The following AGPAT4 variants were observed in gnomAD, a reference collection of about 807,000 sequenced individuals.
The protein encoded by AGPAT4 is 1-acylglycerol-3-phosphate O-acyltransferase 4.
Under a neutral mutation model 48.0 loss-of-function variants are expected in AGPAT4, and 15 were observed. The observed-to-expected ratio is 0.31, with a 90% CI of 0.21 to 0.48. The LOEUF (loss-of-function observed/expected upper bound fraction) is 0.48, where lower values mean the gene tolerates loss of function less well. Ranked by LOEUF, AGPAT4 falls within the 20% of genes least tolerant of loss-of-function variation. AGPAT4 has a pLI of 0.99. For synonymous variants in AGPAT4, 178 were observed against 198.7 expected, an observed-to-expected ratio of 0.90 and a Z score of 0.88; for missense variants, 314 against 482.5, an observed-to-expected ratio of 0.65 and a Z score of 3.27.
rs1319714105 is a variant in AGPAT4 at position 161,238,017 on chromosome 6, C to T, written c.-89-5715G>A. ...GAGAAATTCTGAAATGTGCAGGCAA[C>T]GCGAGACCACCTGGAAGCCAAGCAC... On this transcript the variant is annotated intron_variant, in intron 1 of 8. Coordinates refer to ENST00000320285, the MANE Select transcript of AGPAT4 (RefSeq NM_020133.3). This position sits in a 1 kb window ranked among gnomAD's most constrained non-coding sequence, Gnocchi z 5.2. Among the ~76,000 whole-genome samples the T allele has an allele frequency of 1.4e-5, 2 of 144,652 alleles. No individual in the cohort carries two copies. Among genetic ancestry groups the T allele is most frequent in the African/African-American group, 2.6e-5 (1 of 38,542 alleles). 94.9% of individuals were successfully genotyped at this position (144,652 alleles called of 152,430 possible). A position where few individuals can be genotyped will look rare whatever the true frequency, so the allele number is the denominator to read the frequency against.
At chr6:161,186,722 C>T (rs796227186) in intron 2 of AGPAT4, among the ~76,000 whole-genome samples, 11 of 152,280 alleles carry the variant, frequency 7.2e-5, no homozygotes, top group African/African-American at 2.4e-4. Flanking sequence ...CTCCTTCCCC[C>T]ACTTCTCCCC....
rs147036874 is a variant in AGPAT4 at position 161,217,130 on chromosome 6, G to A, written c.178+14906C>T. ...TTCAGCAATGAAAGATGAGCAGACA[G>A]TGGAGAAGGCAAGCCAGGGGAGGGG... On this transcript the variant is annotated intron_variant, in intron 2 of 8. Coordinates refer to ENST00000320285, the MANE Select transcript of AGPAT4 (RefSeq NM_020133.3). The surrounding 1 kb of genome is among the most constrained non-coding windows in gnomAD (Gnocchi z 4.9). Among the ~76,000 whole-genome samples, 111 of 152,372 alleles carry A rather than the reference G, an allele frequency of 7.3e-4. No individual in the cohort carries two copies. The highest frequency in any genetic ancestry group is 2.4e-3 in the African/African-American group (100 of 41,590).
chr6:161,261,535 C>T lies in AGPAT4; in HGVS notation c.-90+12403G>A, dbSNP rs948451254. Among the ~76,000 whole-genome samples the T allele has an allele frequency of 4.6e-5, 7 of 152,332 alleles. No homozygotes were observed. Among genetic ancestry groups the T allele is most frequent in the Admixed American group, 1.3e-4 (2 of 15,302 alleles). ...GGAAACGCCCGGCTCACGGCTGACT[C>T]ATGATGGGACCTGTCAGAGGGACGT... On this transcript the variant is annotated intron_variant, in intron 1 of 8. Transcript: ENST00000320285. The surrounding 1 kb of genome is among the most constrained non-coding windows in gnomAD (Gnocchi z 5.3).
chr6:161,149,717 T>A lies in AGPAT4; in HGVS notation c.665-428A>T, dbSNP rs1779533159. ...CCACCACGCCCAGCTAATTTTTGTA[T>A]TTTTAGTAGAGTCAGGGATTCACCA... On this transcript the variant is annotated intron_variant, in intron 5 of 8. Coordinates refer to ENST00000320285, the MANE Select transcript of AGPAT4 (RefSeq NM_020133.3). This position sits in a 1 kb window ranked among gnomAD's most constrained non-coding sequence, Gnocchi z 6.5. 6.6e-6 allele frequency among the ~76,000 whole-genome samples: 1 copy of A among 152,090 alleles called. No homozygotes were observed. Among genetic ancestry groups the A allele is most frequent in the Non-Finnish European group, 1.5e-5 (1 of 67,996 alleles).
Position 161,139,167 on chromosome 6 carries a change from C to T in AGPAT4, c.1042+255G>A, listed in dbSNP as rs60820932. Among the ~76,000 whole-genome samples the T allele has an allele frequency of 0.016, 2,418 of 152,254 alleles. 52 individuals are homozygous for T. The highest frequency in any genetic ancestry group is 0.04 in the African/African-American group (1,659 of 41,546). ...GGGGAGTGAAGTGGCAGCTGCATCA[C>T]CACCCAACAGGGAACGTGTGGAATC... On this transcript the variant is annotated intron_variant, in intron 8 of 8. Transcript: ENST00000320285. This position sits in a 1 kb window ranked among gnomAD's most constrained non-coding sequence, Gnocchi z 9.1.
In AGPAT4 at chr6:161,177,848, G is replaced by C. The variant is rs573212591; in HGVS notation, c.179-11431C>G. 6.6e-6 allele frequency among the ~76,000 whole-genome samples: 1 copy of C among 152,142 alleles called. No individual in the cohort carries two copies. Among genetic ancestry groups the C allele is most frequent in the Non-Finnish European group, 1.5e-5 (1 of 68,030 alleles). The stretch of plus-strand genomic sequence containing the variant: ...GAGTTTTAGTGTGGATGTCCTTTCC[G>C]TTTGTTAGTTTTCCTTCTAACAGTC... On this transcript the variant is annotated intron_variant, in intron 2 of 8. Transcript: ENST00000320285. The surrounding 1 kb of genome is among the most constrained non-coding windows in gnomAD (Gnocchi z 5.0).
intron 2 of AGPAT4, among the ~76,000 whole-genome samples, chr6:161,185,385 C>T (rs552137612): frequency 5.8e-4 from 87 of 150,228 alleles, no homozygotes; most frequent in Admixed American, 5.6e-3. Flanking sequence ...TGACCCCCTG[C>T]GTTCAGGTGA....
chr6:161,237,752 T>A (rs185555639), intron 1 of AGPAT4, among the ~76,000 whole-genome samples: 2 of 152,170 alleles, frequency 1.3e-5, no homozygotes, highest in Admixed American at 1.3e-4. Flanking sequence ...TGTTTTATCA[T>A]CCTTTTTTAC....
chr6:161,136,986 A>G (rs529986159), intron 8 of AGPAT4, among the ~76,000 whole-genome samples: 1 of 152,310 alleles, frequency 6.6e-6, no homozygotes, highest in African/African-American at 2.4e-5. Flanking sequence ...AGGGACAGGA[A>G]GTTAACAGGG....
rs886148620 is a variant in AGPAT4, at chr6:161,215,300, G to A, written c.178+16736C>T. On this transcript the variant is annotated intron_variant, in intron 2 of 8. Coordinates refer to ENST00000320285, the MANE Select transcript of AGPAT4 (RefSeq NM_020133.3). The surrounding 1 kb of genome is among the most constrained non-coding windows in gnomAD (Gnocchi z 4.5). ...TGTAGAATTAAGCTTCCCCGTATCT[G>A]TGGGTTGAAAATGTTTACACATCCC... Among the ~76,000 whole-genome samples, 1 of 152,190 alleles carries A rather than the reference G, an allele frequency of 6.6e-6. No homozygotes were observed. The highest frequency in any genetic ancestry group is 2.4e-5 in the African/African-American group (1 of 41,446).
chr6:161,241,893 C>A (rs188333288), intron 1 of AGPAT4, among the ~76,000 whole-genome samples: 1 of 152,040 alleles, frequency 6.6e-6, no homozygotes, highest in Non-Finnish European at 1.5e-5. Flanking sequence ...CTATCACGCT[C>A]GAATAATTTT....
rs1429764891 is a variant in AGPAT4, at chr6:161,195,328, A to G, written c.179-28911T>C. ...AGTCTTCCCAAAATAAAAGAAAAAA[A>G]GTAATTATTCAGAGAAGACAAGCAC... On this transcript the variant is annotated intron_variant, in intron 2 of 8. Transcript: ENST00000320285. This position sits in a 1 kb window ranked among gnomAD's most constrained non-coding sequence, Gnocchi z 5.0. 6.6e-6 allele frequency among the ~76,000 whole-genome samples: 1 copy of G among 152,218 alleles called. No homozygotes were observed. Among genetic ancestry groups the G allele is most frequent in the African/African-American group, 2.4e-5 (1 of 41,468 alleles).
intron 2 of AGPAT4, among the ~76,000 whole-genome samples, chr6:161,203,121 TTCATGGGG>T: frequency 6.6e-6 from 1 of 152,202 alleles, no homozygotes; most frequent in South Asian, 2.1e-4. Flanking sequence ...AAGCCTGTAA[TTCATGGGG>T]TCATTTGTTC....
chr6:161,149,440 T>C lies in AGPAT4; in HGVS notation c.665-151A>G. 1.7e-6 allele frequency: 1 copy of C among 586,092 alleles called. No individual in the cohort carries two copies. Among genetic ancestry groups the C allele is most frequent in the Non-Finnish European group, 2.8e-6 (1 of 355,480 alleles). The allele number at this position is 586,092 out of a possible 1,614,324, so 36.3% of individuals were successfully genotyped here. On this transcript the variant is annotated intron_variant, in intron 5 of 8. Transcript: ENST00000320285. This position sits in a 1 kb window ranked among gnomAD's most constrained non-coding sequence, Gnocchi z 6.5. ...TTTCTTTCTTTCTATATGGTCCACA[T>C]GTTCTACACTGAATGTGTATTATCT... is the stretch of plus-strand genomic sequence containing the variant.
In AGPAT4 at chr6:161,142,343, G is replaced by A. The variant is rs148853488; in HGVS notation, c.844-2723C>T. On this transcript the variant is annotated intron_variant, in intron 7 of 8. Coordinates refer to ENST00000320285, the MANE Select transcript of AGPAT4 (RefSeq NM_020133.3). This position sits in a 1 kb window ranked among gnomAD's most constrained non-coding sequence, Gnocchi z 6.4. ...CGTGGCCCATCTTGGTTGTGGACCC[G>A]TTTTGTAATAAAATTTGCCCCGCAG... Among the ~76,000 whole-genome samples the A allele has an allele frequency of 3.1e-3, 475 of 152,268 alleles. 3 individuals are homozygous for A. Among genetic ancestry groups the A allele is most frequent in the Middle Eastern group, 0.017 (5 of 294 alleles).
rs1207298857 is a variant in AGPAT4 at position 161,222,083 on chromosome 6, G to A, written c.178+9953C>T. 6.6e-6 allele frequency among the ~76,000 whole-genome samples: 1 copy of A among 152,150 alleles called. No homozygotes were observed. The highest frequency in any genetic ancestry group is 6.5e-5 in the Admixed American group (1 of 15,278). On this transcript the variant is annotated intron_variant, in intron 2 of 8. Transcript: ENST00000320285. The surrounding 1 kb of genome is among the most constrained non-coding windows in gnomAD (Gnocchi z 5.9). Reference sequence around the variant, plus strand: ...TGAGGGTTGACTATGCTCTGCTCAGGTCCTGTAAGGCACAGCCTGAAACAC... The same window carrying A: ...TGAGGGTTGACTATGCTCTGCTCAGATCCTGTAAGGCACAGCCTGAAACAC...
At chr6:161,163,413 A>G (rs1045797414) in intron 3 of AGPAT4, among the ~76,000 whole-genome samples, 1 of 152,036 alleles carries the variant, frequency 6.6e-6, no homozygotes, top group African/African-American at 2.4e-5. Context: ...TTTTTTCTGA[A>G]GGTCATTAAA....
In AGPAT4 at chr6:161,161,918, T is replaced by G. The variant is rs568821283; in HGVS notation, c.348+4330A>C. The G allele has an allele frequency of 1.6e-5, 3 of 184,672 alleles. No individual in the cohort carries two copies. The East Asian group carries it at 3.7e-4, about 23-fold the overall frequency. The allele number at this position is 184,672 out of a possible 1,614,324, so 11.4% of individuals were successfully genotyped here. ...AGGAGGGATAATGCCACTCTCCTCC[T>G]CTCACCTTTCTCTGTGCAAAGAAAT... On this transcript the variant is annotated intron_variant, in intron 3 of 8. Transcript: ENST00000320285. This position sits in a 1 kb window ranked among gnomAD's most constrained non-coding sequence, Gnocchi z 4.6.
In AGPAT4 at chr6:161,195,955, C is replaced by G. The variant is rs1047829689; in HGVS notation, c.179-29538G>C. The stretch of plus-strand genomic sequence containing the variant: ...AGCTTCCTGACATTGATCAGGCTCT[C>G]CCCACCGTGTGCAGAGGCAGCTCAC... On this transcript the variant is annotated intron_variant, in intron 2 of 8. Coordinates refer to ENST00000320285, the MANE Select transcript of AGPAT4 (RefSeq NM_020133.3). The surrounding 1 kb of genome is among the most constrained non-coding windows in gnomAD (Gnocchi z 5.0). Among the ~76,000 whole-genome samples, 3 of 152,192 alleles carry G rather than the reference C, an allele frequency of 2.0e-5. No individual in the cohort carries two copies. The highest frequency in any genetic ancestry group is 7.2e-5 in the African/African-American group (3 of 41,444).
Sources: allele counts gnomAD v4.1 joint callset (sites outside exome capture counted in the v4.1 genomes callset), GRCh38; gene constraint gnomAD v4.1.1; non-coding constraint Gnocchi (gnomAD v3.1); transcripts MANE v1.5; gene names NCBI Gene and HGNC (gene_info 2026-07-23, HGNC 2026-07-21).